Variants in PPARGC1B observed in about 807,000 individuals in gnomAD.
PPARGC1B encodes peroxisome proliferator-activated receptor gamma coactivator 1-beta.
In PPARGC1B, 34 loss-of-function variants were observed where a neutral mutation model predicts 101.6. The observed-to-expected ratio is 0.33, with a 90% CI of 0.25 to 0.45. PPARGC1B has a LOEUF of 0.45. PPARGC1B is among the 20% of genes least tolerant of loss of function. The probability of loss-of-function intolerance (pLI) is 1.00; values close to 1 mark genes in which losing one functional copy is unlikely to be tolerated. For synonymous variants in PPARGC1B, 548 were observed against 539.3 expected (o/e 1.02, Z -0.22); for missense variants, 1,234 against 1,317.6 (o/e 0.94, Z 0.98).
At chr5:149,811,085 C>T (rs1182012975) in intron 1 of PPARGC1B, among the ~76,000 whole-genome samples, 4 of 152,160 alleles carry the variant, frequency 2.6e-5, no homozygotes, top group Admixed American at 1.3e-4. Flanking sequence ...CACATGCCTA[C>T]GTTGTCTTTT....
intron 1 of PPARGC1B, among the ~76,000 whole-genome samples, chr5:149,744,579 A>G (rs143476639): frequency 5.3e-5 from 8 of 152,312 alleles, no homozygotes; most frequent in Non-Finnish European, 1.2e-4. Flanking sequence ...TTTTGGTATT[A>G]CCATCAAAAA....
intron 1 of PPARGC1B, among the ~76,000 whole-genome samples, chr5:149,809,115 T>TTAGATAGATAGA (rs10635808): frequency 0.029 from 2,400 of 83,882 alleles, 80 homozygotes; most frequent in Non-Finnish European, 0.032. Context: ...TATCTCCACC[T>TTAGATAGATAGA]TAGATAGATA....
intron 1 of PPARGC1B, among the ~76,000 whole-genome samples, chr5:149,791,166 C>T (rs1757001635): frequency 7.5e-6 from 1 of 133,684 alleles, no homozygotes; most frequent in African/African-American, 2.9e-5. Flanking sequence ...CCTGTAATCC[C>T]AGCTACTCAG....
At chr5:149,821,013 G>A (rs1387865943) in intron 2 of PPARGC1B, among the ~76,000 whole-genome samples, 1 of 152,166 alleles carries the variant, frequency 6.6e-6, no homozygotes, top group African/African-American at 2.4e-5. Flanking sequence ...TAAGTCATGT[G>A]CCTAGGGCAA....
chr5:149,855,852 C>T (rs183925207), downstream of PPARGC1B, among the ~76,000 whole-genome samples: 3 of 152,238 alleles, frequency 2.0e-5, no homozygotes, highest in Non-Finnish European at 4.4e-5. Context: ...CGCGGTGGCT[C>T]GCATCTGTAA....
At chr5:149,745,834 C>G (rs1561849419) in intron 1 of PPARGC1B, among the ~76,000 whole-genome samples, 1 of 152,112 alleles carries the variant, frequency 6.6e-6, no homozygotes, top group Non-Finnish European at 1.5e-5. Context: ...GATCCTCAAT[C>G]CCACACCCAC....
chr5:149,799,721 A>T (rs1757370461), intron 1 of PPARGC1B, among the ~76,000 whole-genome samples: 1 of 34,650 alleles, frequency 2.9e-5, no homozygotes, highest in Admixed American at 5.4e-4. Flanking sequence ...TTTTGAGACG[A>T]AGTCTTGCTC....
intron 1 of PPARGC1B, among the ~76,000 whole-genome samples, chr5:149,748,314 T>TA (rs996398229): frequency 2.5e-5 from 2 of 78,632 alleles, no homozygotes; most frequent in African/African-American, 5.8e-5. Context: ...TAGATATAGA[T>TA]ATAGATATAT....
chr5:149,791,594 G>A (rs1336423867), intron 1 of PPARGC1B, among the ~76,000 whole-genome samples: 3 of 152,106 alleles, frequency 2.0e-5, no homozygotes, highest in Non-Finnish European at 4.4e-5. Context: ...CTTATGGTCT[G>A]GAGAGGCTGG....
In PPARGC1B at chr5:149,820,562, A is replaced by G. The variant is rs955445731; in HGVS notation, c.208A>G (p.Thr70Ala). Residue 70 changes from threonine to alanine, a missense_variant, in exon 2 of 12, where the codon ACT (threonine) becomes GCT (alanine). Physicochemically the swap from Thr to Ala is moderately conservative, Grantham distance 58 (BLOSUM62 0). Coordinates refer to ENST00000309241, the MANE Select transcript of PPARGC1B (RefSeq NM_133263.4). The stretch of plus-strand genomic sequence containing the variant: ...GCAGTGGTGCCCAGAGAACTCAGAG[A>G]CTGAACCCAACCAGTACAGCCCCGA... ...ELQWCPENSE[T>A]EPNQYSPDDS... The G allele has an allele frequency of 6.2e-7, 1 of 1,613,684 alleles. No homozygotes were observed. Among genetic ancestry groups the G allele is most frequent in the Non-Finnish European group, 8.5e-7 (1 of 1,179,988 alleles).
chr5:149,836,966 C>T lies in PPARGC1B; in HGVS notation c.2511C>T (p.Tyr837=). ...CCACTTGCTCTGACCACTGCCCCTA[C>T]CAGAGCCCACCAAGCAAGGCCAACC... is the stretch of plus-strand genomic sequence containing the variant. The part of the protein sequence containing the change: ...VSPTCSDHCP[Y]QSPPSKANRQ... The change falls in exon 8 of 12, where the codon TAC becomes TAT. Residue 837 remains tyrosine (Y), a synonymous_variant. Transcript: ENST00000309241. The T allele has an allele frequency of 1.2e-6, 2 of 1,614,110 alleles. No homozygotes were observed. The highest frequency in any genetic ancestry group is 3.3e-4 in the Middle Eastern group (2 of 6,060).
chr5:149,757,348 ATT>A (rs34114070), intron 1 of PPARGC1B, among the ~76,000 whole-genome samples: 9 of 148,788 alleles, frequency 6.0e-5, no homozygotes, highest in South Asian at 2.1e-4. Flanking sequence ...GTGTTTGAGC[ATT>A]TTTTTTTTTT....
At chr5:149,765,873 A>G (rs944011082) in intron 1 of PPARGC1B, among the ~76,000 whole-genome samples, 2 of 152,000 alleles carry the variant, frequency 1.3e-5, no homozygotes, top group African/African-American at 2.4e-5. Context: ...AAAAAAAAAA[A>G]AAAAAAAAAT....
intron 1 of PPARGC1B, among the ~76,000 whole-genome samples, chr5:149,784,573 T>C (rs1756723372): frequency 7.0e-6 from 1 of 142,452 alleles, no homozygotes; most frequent in Non-Finnish European, 1.5e-5. Flanking sequence ...TTTTTTTTTT[T>C]TTTTTTTTTT....
chr5:149,766,652 T>A, intron 1 of PPARGC1B, among the ~76,000 whole-genome samples: 1 of 152,256 alleles, frequency 6.6e-6, no homozygotes, highest in Non-Finnish European at 1.5e-5. Context: ...CATTCTTGAT[T>A]TCTGCCATAG....
At chr5:149,752,181 T>C (rs1755331831) in intron 1 of PPARGC1B, among the ~76,000 whole-genome samples, 1 of 152,242 alleles carries the variant, frequency 6.6e-6, no homozygotes, top group Non-Finnish European at 1.5e-5. Flanking sequence ...TGGCTTTTAG[T>C]CTACATACTA....
At chr5:149,776,927 C>T (rs1383665083) in intron 1 of PPARGC1B, among the ~76,000 whole-genome samples, 1 of 152,252 alleles carries the variant, frequency 6.6e-6, no homozygotes, top group Non-Finnish European at 1.5e-5. Flanking sequence ...CACCCTTGCT[C>T]TTGCCCAGTT....
At chr5:149,778,844 G>A (rs1756490676) in intron 1 of PPARGC1B, among the ~76,000 whole-genome samples, 1 of 152,162 alleles carries the variant, frequency 6.6e-6, no homozygotes, top group African/African-American at 2.4e-5. Flanking sequence ...TATGGAGTGT[G>A]TGTAGTCATA....
chr5:149,815,624 C>A (rs1190025546), intron 1 of PPARGC1B, among the ~76,000 whole-genome samples: 1 of 152,164 alleles, frequency 6.6e-6, no homozygotes, highest in Non-Finnish European at 1.5e-5. Flanking sequence ...AGTGCAGTGG[C>A]GTGATCTCTG....
Sources: allele counts gnomAD v4.1 joint callset (sites outside exome capture counted in the v4.1 genomes callset), GRCh38; gene constraint gnomAD v4.1.1; transcripts MANE v1.5; gene names NCBI Gene and HGNC (gene_info 2026-07-23, HGNC 2026-07-21).